Variants in UGT2B10 observed in about 807,000 individuals in gnomAD.
The protein encoded by UGT2B10 is UDP glucuronosyltransferase family 2 member B10.
UGT2B10 carries 51 observed loss-of-function variants against 43.7 expected under a neutral mutation model. The ratio of observed to expected loss-of-function variants is 1.17; its 90% CI spans 0.93 to 1.47. The LOEUF (loss-of-function observed/expected upper bound fraction) is 1.47, where lower values mean the gene tolerates loss of function less well. Ranked by LOEUF, UGT2B10 falls within the 40% of genes most tolerant of loss-of-function variation. The pLI, the probability that UGT2B10 is intolerant of heterozygous loss-of-function variation, is 0.00. For synonymous variants in UGT2B10, 225 were observed against 209.0 expected (o/e 1.08, Z -0.66); for missense variants, 696 against 617.7 (o/e 1.13, Z -1.34).
At chr4:68,821,859 T>A (rs1280182751) in intron 2 of UGT2B10, among the ~76,000 whole-genome samples, 3 of 148,422 alleles carry the variant, frequency 2.0e-5, no homozygotes, top group Admixed American at 6.9e-5. Flanking sequence ...CTGCCTGAAA[T>A]AAACACAAGT....
chr4:68,829,031 G>T (rs1398391932), intron 5 of UGT2B10, among the ~76,000 whole-genome samples: 1 of 151,914 alleles, frequency 6.6e-6, no homozygotes, highest in Non-Finnish European at 1.5e-5. Context: ...ATACCCAACA[G>T]ATATGTATAA....
chr4:68,828,844 C>G (rs1451469451), intron 5 of UGT2B10, among the ~76,000 whole-genome samples: 1 of 151,810 alleles, frequency 6.6e-6, no homozygotes, highest in Non-Finnish European at 1.5e-5. Flanking sequence ...TAAAAAGATT[C>G]AATATCATAA....
chr4:68,821,672 T>C (rs1357205224), intron 2 of UGT2B10, among the ~76,000 whole-genome samples: 4 of 152,184 alleles, frequency 2.6e-5, no homozygotes, highest in African/African-American at 4.8e-5. Context: ...TTTTTTATTT[T>C]ATTTTTTGAA....
At chr4:68,822,484 A>T (rs1221522095) in intron 3 of UGT2B10, 82 bp downstream of exon 3, 6 of 1,600,718 alleles carry the variant, frequency 3.7e-6, no homozygotes, top group Non-Finnish European at 5.1e-6. Context: ...AGAATATTAA[A>T]GAGTAGACTG....
intron 5 of UGT2B10, among the ~76,000 whole-genome samples, chr4:68,828,208 A>G (rs1737898520): frequency 6.6e-6 from 1 of 152,062 alleles, no homozygotes; most frequent in South Asian, 2.1e-4. Context: ...TGTTTCATAT[A>G]AATGGAATCA....
chr4:68,817,284 A>G (rs1191633245), intron 1 of UGT2B10, among the ~76,000 whole-genome samples: 1 of 151,778 alleles, frequency 6.6e-6, no homozygotes, highest in African/African-American at 2.4e-5. Flanking sequence ...AAATGTTTCT[A>G]TACTCCTTCA....
chr4:68,828,556 G>C (rs1737919620), intron 5 of UGT2B10, among the ~76,000 whole-genome samples: 1 of 151,704 alleles, frequency 6.6e-6, no homozygotes, highest in African/African-American at 2.4e-5. Flanking sequence ...AAAACAAAGT[G>C]GTAGATTTAA....
chr4:68,830,489 C>T, intron 5 of UGT2B10, 111 bp from the exon 6 acceptor site: 1 of 1,296,832 alleles, frequency 7.7e-7, no homozygotes, highest in South Asian at 2.0e-5. Flanking sequence ...TATATCAATT[C>T]TTTGACATTT....
At chr4:68,819,961 A>G (rs1737410624) in intron 2 of UGT2B10, among the ~76,000 whole-genome samples, 1 of 152,012 alleles carries the variant, frequency 6.6e-6, no homozygotes, top group Non-Finnish European at 1.5e-5. Flanking sequence ...CATTGTTAAA[A>G]CTCAGTATCT....
chr4:68,828,071 G>A (rs998050286), intron 5 of UGT2B10, among the ~76,000 whole-genome samples: 3 of 151,878 alleles, frequency 2.0e-5, no homozygotes, highest in Non-Finnish European at 4.4e-5. Context: ...CATCACCAGT[G>A]TATAAGTTTG....
chr4:68,820,202 C>G (rs1046609984), intron 2 of UGT2B10, among the ~76,000 whole-genome samples: 1 of 151,956 alleles, frequency 6.6e-6, no homozygotes, highest in Non-Finnish European at 1.5e-5. Flanking sequence ...CTAATACTAG[C>G]TCTTGTTATT....
chr4:68,830,891 A>T lies in UGT2B10; in HGVS notation c.*12A>T, dbSNP rs560630215. Reference sequence around the variant, plus strand: ...GAAAAAGGGATTAGTTATATCTGAGATTTGAAGCTGGAAAACCTGATAGAT... The same window carrying T: ...GAAAAAGGGATTAGTTATATCTGAGTTTTGAAGCTGGAAAACCTGATAGAT... On this transcript the variant is annotated 3_prime_UTR_variant, in exon 6 of 6. Coordinates refer to ENST00000265403, the MANE Select transcript of UGT2B10 (RefSeq NM_001075.6). 2 of 1,609,838 alleles carry T rather than the reference A, an allele frequency of 1.2e-6. No individual in the cohort carries two copies. Among genetic ancestry groups the T allele is most frequent in the East Asian group, 2.2e-5 (1 of 44,680 alleles).
At chr4:68,818,222 A>G (rs574832480) in intron 2 of UGT2B10, 45 bp downstream of exon 2, 142 of 1,601,612 alleles carry the variant, frequency 8.9e-5, no homozygotes, top group Non-Finnish European at 1.1e-4. Flanking sequence ...TTCAAATTTC[A>G]GTAGAAATGA....
At position 68,818,173 on chromosome 4, in the gene UGT2B10, C is replaced by T; in HGVS notation, c.863C>T (p.Pro288Leu). The change falls in exon 2 of 6, where the codon CCT (proline) becomes CTT (leucine). Residue 288 changes from proline to leucine, a missense_variant. By Grantham distance (98) the Pro-to-Leu change is moderately conservative. Coordinates refer to ENST00000265403, the MANE Select transcript of UGT2B10 (RefSeq NM_001075.6). ...CACTGCAAACCTGCCAAACCCCTAC[C>T]TAAGGTAAACATACTTTCGTTGGTT... ...GLHCKPAKPL[P>L]KEMEEFVQSS... 6.2e-7 allele frequency: 1 copy of T among 1,609,080 alleles called. No individual in the cohort carries two copies. Among genetic ancestry groups the T allele is most frequent in the Admixed American group, 1.7e-5 (1 of 59,180 alleles).
In UGT2B10 at chr4:68,830,758, CTTTGGATGTGAT is replaced by C. The variant is rs1560422555; in HGVS notation, c.1468_1479del (p.Leu490_Ile493del). ...AACCTCACCTGGTTCCAGTACCACT[CTTTGGATGTGAT>C]TGGGTTCCTGCTGGCTTGTGTGGCA... On this transcript the variant is annotated inframe_deletion, in exon 6 of 6. Transcript: ENST00000265403. 1.2e-6 allele frequency: 2 copies of C among 1,613,404 alleles called. No individual in the cohort carries two copies. The highest frequency in any genetic ancestry group is 4.5e-5 in the East Asian group (2 of 44,816).
chr4:68,826,605 A>G (rs1323230614), intron 4 of UGT2B10, 108 bp downstream of exon 4: 6 of 1,329,040 alleles, frequency 4.5e-6, no homozygotes, highest in Non-Finnish European at 6.1e-6. Flanking sequence ...AAAACAAAAA[A>G]GAACTTCTTT....
chr4:68,818,991 A>G (rs777122143), intron 2 of UGT2B10, among the ~76,000 whole-genome samples: 3 of 151,930 alleles, frequency 2.0e-5, no homozygotes, highest in Non-Finnish European at 4.4e-5. Flanking sequence ...CAGAAGGGCC[A>G]GACTGTAAAG....
rs1444507188 is a variant in UGT2B10 at position 68,818,144 on chromosome 4, A to C, written c.834A>C (p.Gly278=). 11 of 1,610,798 alleles carry C rather than the reference A, an allele frequency of 6.8e-6. No homozygotes were observed. Among genetic ancestry groups the C allele is most frequent in the Non-Finnish European group, 1.7e-6 (2 of 1,178,162 alleles). The change falls in exon 2 of 6, where the codon GGA becomes GGC. Residue 278 remains glycine (G), a synonymous_variant. Coordinates refer to ENST00000265403, the MANE Select transcript of UGT2B10 (RefSeq NM_001075.6). The stretch of plus-strand genomic sequence containing the variant: ...TACCAAATGTTGATTTTGTTGGAGG[A>C]CTCCACTGCAAACCTGCCAAACCCC... ...PFLPNVDFVG[G]LHCKPAKPLP...
chr4:68,829,469 G>A (rs1299775846), intron 5 of UGT2B10, among the ~76,000 whole-genome samples: 2 of 151,900 alleles, frequency 1.3e-5, no homozygotes, highest in Non-Finnish European at 2.9e-5. Flanking sequence ...CTTAGTGTAC[G>A]TATATTTATC....
Sources: allele counts gnomAD v4.1 joint callset (sites outside exome capture counted in the v4.1 genomes callset), GRCh38; gene constraint gnomAD v4.1.1; transcripts MANE v1.5; gene names NCBI Gene and HGNC (gene_info 2026-07-23, HGNC 2026-07-21).